THSD7B: variants seen among roughly 807,000 people sequenced by gnomAD.
THSD7B encodes the protein thrombospondin type-1 domain-containing protein 7B.
Under a neutral mutation model 213.6 loss-of-function variants are expected in THSD7B, and 138 were observed. That is an observed-to-expected ratio of 0.65 (90% confidence interval 0.56 to 0.74). The LOEUF is 0.74. Among genes scored for constraint, THSD7B ranks in the 30% least tolerant of loss-of-function variants. The probability of loss-of-function intolerance (pLI) is 0.00; values close to 1 mark genes in which losing one functional copy is unlikely to be tolerated. For synonymous variants in THSD7B, 742 were observed against 687.0 expected (o/e 1.08, Z -1.25); for missense variants, 1,931 against 1,991.5 (o/e 0.97, Z 0.58).
intron 12 of THSD7B, among the ~76,000 whole-genome samples, chr2:137,344,737 A>G (rs1684838239): frequency 6.6e-6 from 1 of 151,660 alleles, no homozygotes; most frequent in African/African-American, 2.4e-5. Flanking sequence ...AGGGGTGGAT[A>G]TAAGGAATAG....
intron 3 of THSD7B, among the ~76,000 whole-genome samples, chr2:137,069,250 C>G (rs375154241): frequency 2.0e-5 from 3 of 151,980 alleles, no homozygotes; most frequent in South Asian, 4.1e-4. Flanking sequence ...CTATTATTGA[C>G]TTTTTATAAT....
intron 26 of THSD7B, among the ~76,000 whole-genome samples, chr2:137,664,086 CA>C (rs1254603901): frequency 6.6e-6 from 1 of 152,166 alleles, no homozygotes; most frequent in Non-Finnish European, 1.5e-5. Flanking sequence ...CTCCTGACTT[CA>C]AATGACCCTC....
At chr2:137,421,086 A>G (rs995742332) in intron 14 of THSD7B, among the ~76,000 whole-genome samples, 8 of 152,086 alleles carry the variant, frequency 5.3e-5, no homozygotes, top group African/African-American at 1.9e-4. Context: ...ACCTGTGTGG[A>G]CAATTTAGGA....
chr2:136,809,000 T>C (rs1323647261), intron 1 of THSD7B, among the ~76,000 whole-genome samples: 3 of 152,234 alleles, frequency 2.0e-5, no homozygotes, highest in African/African-American at 4.8e-5. Flanking sequence ...CAAATAGTTA[T>C]TGAATACCTT....
chr2:136,984,325 T>A (rs1685635172), intron 2 of THSD7B, among the ~76,000 whole-genome samples: 1 of 152,188 alleles, frequency 6.6e-6, no homozygotes, highest in African/African-American at 2.4e-5. Context: ...GGGAGGTAAT[T>A]AGATTATGAG....
At chr2:137,130,895 G>C (rs1688717345) in intron 5 of THSD7B, among the ~76,000 whole-genome samples, 1 of 150,770 alleles carries the variant, frequency 6.6e-6, no homozygotes, top group East Asian at 2.0e-4. Flanking sequence ...TATATACCCA[G>C]TAATGGGATG....
chr2:137,048,393 C>T (rs1243197565), intron 2 of THSD7B, among the ~76,000 whole-genome samples: 1 of 151,992 alleles, frequency 6.6e-6, no homozygotes, highest in Non-Finnish European at 1.5e-5. Flanking sequence ...TTCTGTCCAC[C>T]AAAATGCAGC....
chr2:137,015,860 C>A (rs932753471), intron 2 of THSD7B, among the ~76,000 whole-genome samples: 1 of 152,118 alleles, frequency 6.6e-6, no homozygotes, highest in Non-Finnish European at 1.5e-5. Context: ...GAACCTGAAC[C>A]GGTGGCACAC....
chr2:137,089,289 CAT>C (rs200905562), intron 3 of THSD7B, among the ~76,000 whole-genome samples: 1,996 of 114,446 alleles, frequency 0.017, 141 homozygotes, highest in African/African-American at 0.062. Flanking sequence ...TGTATATATA[CAT>C]ATATATGTGT....
intron 16 of THSD7B, among the ~76,000 whole-genome samples, chr2:137,568,732 G>A (rs190211801): frequency 6.6e-6 from 1 of 152,272 alleles, no homozygotes; most frequent in Admixed American, 6.5e-5. Context: ...CACGAGAACA[G>A]CATGGGGGAA....
intron 12 of THSD7B, among the ~76,000 whole-genome samples, chr2:137,319,081 T>C (rs1057072017): frequency 1.3e-5 from 2 of 152,104 alleles, no homozygotes; most frequent in Non-Finnish European, 2.9e-5. Context: ...TCTTAAAATC[T>C]TTACTCAGGG....
intron 2 of THSD7B, among the ~76,000 whole-genome samples, chr2:136,895,813 G>T: frequency 6.6e-6 from 1 of 151,906 alleles, no homozygotes; most frequent in South Asian, 2.1e-4. Flanking sequence ...TCTACTTTCC[G>T]TCTCAATAAA....
At chr2:137,412,228 T>C (rs969106246) in intron 14 of THSD7B, among the ~76,000 whole-genome samples, 2 of 150,996 alleles carry the variant, frequency 1.3e-5, no homozygotes, top group Middle Eastern at 3.2e-3. Flanking sequence ...ACCATATACA[T>C]AGAAGGCATC....
intron 10 of THSD7B, among the ~76,000 whole-genome samples, chr2:137,257,829 T>C (rs1162515840): frequency 6.6e-6 from 1 of 152,178 alleles, no homozygotes; most frequent in African/African-American, 2.4e-5. Context: ...AGGTTCATTT[T>C]TGTTACAGGC....
intron 7 of THSD7B, among the ~76,000 whole-genome samples, chr2:137,188,059 G>A (rs2105011895): frequency 6.6e-6 from 1 of 152,234 alleles, no homozygotes; most frequent in Non-Finnish European, 1.5e-5. Flanking sequence ...ACTTAGCATG[G>A]TGCCTGGCTC....
At chr2:137,511,662 T>A (rs1679963489) in intron 15 of THSD7B, among the ~76,000 whole-genome samples, 1 of 152,142 alleles carries the variant, frequency 6.6e-6, no homozygotes, top group African/African-American at 2.4e-5. Flanking sequence ...ACTGGCCCCA[T>A]GCAGTAAGGC....
intron 2 of THSD7B, among the ~76,000 whole-genome samples, chr2:137,036,821 G>T (rs1410641841): frequency 1.3e-5 from 2 of 152,130 alleles, no homozygotes; most frequent in Non-Finnish European, 2.9e-5. Context: ...TTGTCTGTCC[G>T]CACAGTGGCT....
chr2:137,668,229 G>A (rs1683488613), intron 27 of THSD7B, among the ~76,000 whole-genome samples: 2 of 152,036 alleles, frequency 1.3e-5, no homozygotes, highest in Non-Finnish European at 2.9e-5. Context: ...AGGTCATCTG[G>A]GTGTTGTAAA....
intron 1 of THSD7B, among the ~76,000 whole-genome samples, chr2:136,838,762 C>T (rs921683873): frequency 4.6e-5 from 7 of 152,130 alleles, no homozygotes; most frequent in South Asian, 4.1e-4. Flanking sequence ...ACTGTACTTG[C>T]AGAGGTGTTC....
Sources: allele counts gnomAD v4.1 joint callset (sites outside exome capture counted in the v4.1 genomes callset), GRCh38; gene constraint gnomAD v4.1.1; transcripts MANE v1.5; gene names NCBI Gene and HGNC (gene_info 2026-07-23, HGNC 2026-07-21).